Variants in CREBL2 observed in about 807,000 individuals in gnomAD.
CREBL2 encodes the protein cAMP responsive element binding protein like 2, also known as cAMP-responsive element-binding protein-like 2.
Under a neutral mutation model 19.5 loss-of-function variants are expected in CREBL2, and 4 were observed. The observed-to-expected ratio is 0.20, with a 90% CI of 0.10 to 0.47. The LOEUF (loss-of-function observed/expected upper bound fraction) is 0.47. Among genes scored for constraint, CREBL2 ranks in the 20% least tolerant of loss-of-function variants. CREBL2 has a pLI of 0.98. For missense variants in CREBL2, 85 were observed against 145.1 expected (o/e 0.59, Z 2.13); for synonymous variants, 42 against 46.6 (o/e 0.90, Z 0.40).
In CREBL2 at chr12:12,618,899, C is replaced by T. The variant is rs569957644; in HGVS notation, c.15+6712C>T. Among the ~76,000 whole-genome samples, 6 of 152,234 alleles carry T rather than the reference C, an allele frequency of 3.9e-5. No homozygotes were observed. In the South Asian group the frequency reaches 6.2e-4, roughly 16 times the overall value. On this transcript the variant is annotated intron_variant, in intron 1 of 3. Coordinates refer to ENST00000228865, the MANE Select transcript of CREBL2 (RefSeq NM_001310.4). ...CCAAAAAATACAAAAACCAGTCAGG[C>T]GTGGCGGCGCACACCTGCAATCCCA...
chr12:12,623,001 A>C (rs2136301574), intron 1 of CREBL2, among the ~76,000 whole-genome samples: 1 of 152,226 alleles, frequency 6.6e-6, no homozygotes, highest in East Asian at 1.9e-4. Flanking sequence ...TTAGAGCATC[A>C]GGATGTAAAT....
rs1292535074 is a variant in CREBL2, at chr12:12,642,773, G to A, written c.*775G>A. ...ATAATTCATCAAATTTTATTTTTAA[G>A]TGAAAAGTAACCTTTCAGGCATTTC... On this transcript the variant is annotated 3_prime_UTR_variant, in exon 4 of 4. Transcript: ENST00000228865. 6.6e-6 allele frequency: 1 copy of A among 152,266 alleles called. No homozygotes were observed. The highest frequency in any genetic ancestry group is 1.5e-5 in the Non-Finnish European group (1 of 68,014). The allele number at this position is 152,266 out of a possible 1,614,324, so 9.4% of individuals were successfully genotyped here.
At chr12:12,624,729 C>T (rs912884296) in intron 1 of CREBL2, among the ~76,000 whole-genome samples, 4 of 152,222 alleles carry the variant, frequency 2.6e-5, no homozygotes, top group African/African-American at 9.6e-5. Flanking sequence ...GCTCAGTGGA[C>T]TCTTTGCCTT....
chr12:12,618,997 C>T (rs959918789), intron 1 of CREBL2, among the ~76,000 whole-genome samples: 2 of 152,070 alleles, frequency 1.3e-5, no homozygotes, highest in African/African-American at 4.8e-5. Flanking sequence ...CAGTACAGTC[C>T]AGCCTCAGCT....
intron 3 of CREBL2, among the ~76,000 whole-genome samples, chr12:12,639,310 G>A (rs76730012): frequency 0.016 from 2,476 of 152,192 alleles, 147 homozygotes; most frequent in Admixed American, 0.11. Context: ...TCATTTGTAT[G>A]TATACCTAGG....
chr12:12,637,624 G>A lies in CREBL2; in HGVS notation c.268G>A (p.Ala90Thr). The A allele has an allele frequency of 6.2e-7, 1 of 1,613,090 alleles. No individual in the cohort carries two copies. The highest frequency in any genetic ancestry group is 8.5e-7 in the Non-Finnish European group (1 of 1,179,360). ...DQGKIPSEIK[A>T]LLTGEEQNKS... ...AGGAAAAATCCCTTCTGAAATAAAG[G>A]CCCTACTCACTGGAGAAGAGCAGAA... is the stretch of plus-strand genomic sequence containing the variant. Residue 90 changes from alanine (A) to threonine (T), a missense_variant, in exon 3 of 4, where the codon GCC becomes ACC. This residue lies in a region of CREBL2 where 42 missense variants were observed against 38.4 expected (regional missense o/e 1.09). Coordinates refer to ENST00000228865, the MANE Select transcript of CREBL2 (RefSeq NM_001310.4).
chr12:12,625,261 C>T (rs1216539679), intron 1 of CREBL2, among the ~76,000 whole-genome samples: 1 of 152,032 alleles, frequency 6.6e-6, no homozygotes, highest in Non-Finnish European at 1.5e-5. Context: ...ATTTTCTGTC[C>T]CCTGTCCCTC....
intron 1 of CREBL2, among the ~76,000 whole-genome samples, chr12:12,618,133 G>A (rs1034575551): frequency 5.3e-5 from 8 of 151,856 alleles, no homozygotes; most frequent in African/African-American, 1.7e-4. Flanking sequence ...TTTTCTATTC[G>A]ACAAAACTGC....
chr12:12,632,977 A>G (rs1945451903), intron 1 of CREBL2, among the ~76,000 whole-genome samples: 1 of 150,934 alleles, frequency 6.6e-6, no homozygotes, highest in African/African-American at 2.4e-5. Context: ...CTTGTCATCT[A>G]GCCTGGAGTG....
At chr12:12,614,839 A>G in intron 1 of CREBL2, 1 of 329,962 alleles carries the variant, frequency 3.0e-6, no homozygotes, top group South Asian at 2.5e-5. Context: ...TTGCCATAGT[A>G]AGATTTGTAG....
At chr12:12,635,506 G>A (rs184398820) in intron 1 of CREBL2, among the ~76,000 whole-genome samples, 15 of 151,984 alleles carry the variant, frequency 9.9e-5, no homozygotes, top group Non-Finnish European at 2.1e-4. Flanking sequence ...CATATGGTTT[G>A]TAAAGTTTAC....
At chr12:12,641,253 A>ATTATTATTATTTTT (rs1478394376) in intron 3 of CREBL2, among the ~76,000 whole-genome samples, 1 of 78,260 alleles carries the variant, frequency 1.3e-5, no homozygotes, top group Non-Finnish European at 2.5e-5. Flanking sequence ...TATTATTATT[A>ATTATTATTATTTTT]TTTTTTTTTA....
intron 1 of CREBL2, among the ~76,000 whole-genome samples, chr12:12,612,563 C>T (rs115088378): frequency 6.6e-6 from 1 of 152,132 alleles, no homozygotes; most frequent in African/African-American, 2.4e-5. Flanking sequence ...CCTTATTCCC[C>T]TTGACGATTC....
At position 12,643,022 on chromosome 12, in the gene CREBL2, A is replaced by G. The variant is rs899555526; in HGVS notation, c.*1024A>G. On this transcript the variant is annotated 3_prime_UTR_variant, in exon 4 of 4. Coordinates refer to ENST00000228865, the MANE Select transcript of CREBL2 (RefSeq NM_001310.4). ...AAAGGGACAAATTGCTGGTAGATCT[A>G]CTGACTGTAGCCATCACCAGAACAC... 5 of 152,740 alleles carry G rather than the reference A, an allele frequency of 3.3e-5. No homozygotes were observed. The highest frequency in any genetic ancestry group is 1.9e-4 in the East Asian group (1 of 5,186). The allele number at this position is 152,740 out of a possible 1,614,324, so 9.5% of individuals were successfully genotyped here. A position where few individuals can be genotyped will look rare whatever the true frequency, so the allele number is the denominator to read the frequency against.
chr12:12,618,141 T>G (rs1375967970), intron 1 of CREBL2, among the ~76,000 whole-genome samples: 2 of 151,654 alleles, frequency 1.3e-5, no homozygotes, highest in Non-Finnish European at 2.9e-5. Flanking sequence ...TCGACAAAAC[T>G]GCCATCGTCA....
At chr12:12,639,569 C>G (rs1259877513) in intron 3 of CREBL2, among the ~76,000 whole-genome samples, 1 of 152,142 alleles carries the variant, frequency 6.6e-6, no homozygotes, top group African/African-American at 2.4e-5. Context: ...ATTTTCTATG[C>G]TTGTTGGCCA....
chr12:12,619,911 C>T (rs1945347254), intron 1 of CREBL2, among the ~76,000 whole-genome samples: 1 of 152,194 alleles, frequency 6.6e-6, no homozygotes, highest in South Asian at 2.1e-4. Flanking sequence ...AGGTTTCTTA[C>T]ACTTTCCTTA....
At chr12:12,636,582 G>T (rs1346520427) in intron 2 of CREBL2, among the ~76,000 whole-genome samples, 4 of 152,024 alleles carry the variant, frequency 2.6e-5, no homozygotes, top group Non-Finnish European at 5.9e-5. Context: ...ACCATGCCCG[G>T]CTAATTTTTT....
chr12:12,631,760 A>G (rs1302724800), intron 1 of CREBL2, among the ~76,000 whole-genome samples: 1 of 152,212 alleles, frequency 6.6e-6, no homozygotes, highest in African/African-American at 2.4e-5. Context: ...GGCAACTGGT[A>G]CTAACCTACA....
Sources: gnomAD v4.1 joint callset for allele counts (sites outside exome capture counted in the v4.1 genomes callset) on GRCh38, gnomAD v4.1.1 for gene constraint, gnomAD v4.1.1 regional missense constraint, MANE v1.5 for transcripts, NCBI Gene and HGNC (gene_info 2026-07-23, HGNC 2026-07-21) for gene names.